MIDEAS: variants seen among roughly 807,000 people sequenced by gnomAD.
MIDEAS encodes the protein mitotic deacetylase associated SANT domain protein, also known as mitotic deacetylase-associated SANT domain protein.
MIDEAS carries 26 observed loss-of-function variants against 102.7 expected under a neutral mutation model. That is an observed-to-expected ratio of 0.25 (90% CI 0.19 to 0.35). The LOEUF (loss-of-function observed/expected upper bound fraction) is 0.35, where lower values mean the gene tolerates loss of function less well. MIDEAS is among the 10% of genes least tolerant of loss of function. MIDEAS has a pLI of 1.00. For synonymous variants in MIDEAS, 585 were observed against 591.0 expected (o/e 0.99, Z 0.15); for missense variants, 1,231 against 1,435.6 (o/e 0.86, Z 2.30).
upstream of MIDEAS, chr14:73,787,258 CG>C (rs2053823765): frequency 6.8e-6 from 1 of 148,052 alleles, no homozygotes; most frequent in Admixed American, 6.7e-5. Flanking sequence ...TGTGACCCAG[CG>C]GCTCGCGCGG....
rs1172741737 is a variant in MIDEAS, at chr14:73,759,040, C to T, written c.-248+723G>A. On this transcript the variant is annotated intron_variant, in intron 1 of 12. Transcript: ENST00000423556. This position sits in a 1 kb window ranked among gnomAD's most constrained non-coding sequence, Gnocchi z 6.7. ...GGGAACACAGCTCCCCGCGAGGCAC[C>T]GCGCGGGCTGGGAGGGCTGCGGCGG... Among the ~76,000 whole-genome samples, 1 of 152,176 alleles carries T rather than the reference C, an allele frequency of 6.6e-6. No individual in the cohort carries two copies. The highest frequency in any genetic ancestry group is 1.5e-5 in the Non-Finnish European group (1 of 68,016).
At chr14:73,756,158 G>C (rs2053476302) in intron 1 of MIDEAS, among the ~76,000 whole-genome samples, 1 of 152,160 alleles carries the variant, frequency 6.6e-6, no homozygotes, top group African/African-American at 2.4e-5. Context: ...GGCGTTCTGA[G>C]TGTGGAAGCA....
rs1432759224 is a variant in MIDEAS at position 73,783,092 on chromosome 14, T to G, written c.-248+4010A>C. On this transcript the variant is annotated intron_variant, in intron 1 of 11. Transcript: ENST00000394071. Reference sequence around the variant, plus strand: ...TATAAAACAGGGCTTCCAGTTTAGTTGAAGAATTGTAGTATTTATTCACCC... The same window carrying G: ...TATAAAACAGGGCTTCCAGTTTAGTGGAAGAATTGTAGTATTTATTCACCC... Among the ~76,000 whole-genome samples, 5 of 152,220 alleles carry G rather than the reference T, an allele frequency of 3.3e-5. No individual in the cohort carries two copies. The East Asian group carries it at 7.7e-4, about 23-fold the overall frequency.
At position 73,717,132 on chromosome 14, in the gene MIDEAS, A is replaced by T. The variant is rs1053363446; in HGVS notation, c.*1711T>A. The stretch of plus-strand genomic sequence containing the variant: ...AAAAATACCTGCATAGTTTCAAAAC[A>T]AAACTCCCTCTCCACTCCCAGTTAC... On this transcript the variant is annotated 3_prime_UTR_variant, in exon 13 of 13. Coordinates refer to ENST00000423556, the MANE Select transcript of MIDEAS (RefSeq NM_001367710.1). 6.6e-6 allele frequency: 1 copy of T among 152,264 alleles called. No individual in the cohort carries two copies. Among genetic ancestry groups the T allele is most frequent in the Non-Finnish European group, 1.5e-5 (1 of 68,050 alleles). 9.4% of individuals were successfully genotyped at this position (152,264 alleles called of 1,614,324 possible).
At chr14:73,766,800 G>A (rs528889134) in intron 1 of MIDEAS, among the ~76,000 whole-genome samples, 3 of 148,642 alleles carry the variant, frequency 2.0e-5, no homozygotes, top group East Asian at 2.0e-4. Context: ...TCATCTGCCC[G>A]TCTCAGCCTC....
At chr14:73,733,075 A>G (rs1043130763) in intron 3 of MIDEAS, among the ~76,000 whole-genome samples, 1 of 151,742 alleles carries the variant, frequency 6.6e-6, no homozygotes, top group Non-Finnish European at 1.5e-5. Flanking sequence ...CTGAGCCACA[A>G]GGGCGAAACC....
At chr14:73,788,515 C>T (rs572376149), upstream of MIDEAS, among the ~76,000 whole-genome samples, 2 of 152,186 alleles carry the variant, frequency 1.3e-5, no homozygotes, top group African/African-American at 2.4e-5. Context: ...CAAAGATAGG[C>T]GTATGAAGAT....
At chr14:73,748,507 G>A (rs2140138745) in intron 1 of MIDEAS, among the ~76,000 whole-genome samples, 1 of 152,092 alleles carries the variant, frequency 6.6e-6, no homozygotes, top group African/African-American at 2.4e-5. Flanking sequence ...CTCCAGCCTG[G>A]GCAACACAGT....
chr14:73,749,476 C>A (rs1199309265), intron 1 of MIDEAS, among the ~76,000 whole-genome samples: 1 of 151,068 alleles, frequency 6.6e-6, no homozygotes, highest in Non-Finnish European at 1.5e-5. Flanking sequence ...GTTGAGGCTG[C>A]AGTAAGCCGT....
intron 12 of MIDEAS, 68 bp downstream of exon 12, chr14:73,719,236 AC>A: frequency 2.4e-6 from 1 of 420,194 alleles, no homozygotes; most frequent in Non-Finnish European, 3.3e-6. Flanking sequence ...CCTCCCCTCC[AC>A]CCCACCCCCG....
intron 1 of MIDEAS, among the ~76,000 whole-genome samples, chr14:73,780,887 G>A (rs1026830455): frequency 3.9e-5 from 6 of 151,970 alleles, no homozygotes; most frequent in South Asian, 2.1e-4. Context: ...TATTAAATAC[G>A]CATCCCACTC....
At chr14:73,765,467 CA>C (rs1197755784) in intron 1 of MIDEAS, among the ~76,000 whole-genome samples, 2 of 152,176 alleles carry the variant, frequency 1.3e-5, no homozygotes, top group Non-Finnish European at 2.9e-5. Flanking sequence ...TGTTGGCTAT[CA>C]TTTTTTCTCA....
At position 73,715,484 on chromosome 14, in the gene MIDEAS, C is replaced by G. The variant is rs1209154209; in HGVS notation, c.*3359G>C. ...ATAATTACAGACTGTCAAGGCTGTTCCTGTGCTCTGTCCCCTCCAACAAAG... is the reference window on the plus strand; with the variant it reads ...ATAATTACAGACTGTCAAGGCTGTTGCTGTGCTCTGTCCCCTCCAACAAAG... On this transcript the variant is annotated 3_prime_UTR_variant, in exon 13 of 13. Coordinates refer to ENST00000423556, the MANE Select transcript of MIDEAS (RefSeq NM_001367710.1). 1.3e-5 allele frequency: 2 copies of G among 152,488 alleles called. No homozygotes were observed. The highest frequency in any genetic ancestry group is 6.5e-5 in the Admixed American group (1 of 15,272). 9.4% of individuals were successfully genotyped at this position (152,488 alleles called of 1,614,324 possible).
In MIDEAS at chr14:73,759,465, C is replaced by T. The variant is rs1008719147; in HGVS notation, c.-248+298G>A. Reference sequence around the variant, plus strand: ...GTGGGCGGGGGCCGCGCGCAAGCTGCGTAGCTGCACAAACACCGCGGGGCT... The same window carrying T: ...GTGGGCGGGGGCCGCGCGCAAGCTGTGTAGCTGCACAAACACCGCGGGGCT... On this transcript the variant is annotated intron_variant, in intron 1 of 12. Coordinates refer to ENST00000423556, the MANE Select transcript of MIDEAS (RefSeq NM_001367710.1). The surrounding 1 kb of genome is among the most constrained non-coding windows in gnomAD (Gnocchi z 6.7). Among the ~76,000 whole-genome samples, 1 of 151,320 alleles carries T rather than the reference C, an allele frequency of 6.6e-6. No individual in the cohort carries two copies. The highest frequency in any genetic ancestry group is 1.5e-5 in the Non-Finnish European group (1 of 67,790).
Position 73,716,729 on chromosome 14 carries a change from A to T in MIDEAS, c.*2114T>A, listed in dbSNP as rs535547854. The T allele has an allele frequency of 7.5e-4, 111 of 148,838 alleles. 1 individual carries two copies. Among genetic ancestry groups the T allele is most frequent in the African/African-American group, 2.7e-3 (109 of 40,788 alleles). 9.2% of individuals were successfully genotyped at this position (148,838 alleles called of 1,614,324 possible). On this transcript the variant is annotated 3_prime_UTR_variant, in exon 13 of 13. Coordinates refer to ENST00000423556, the MANE Select transcript of MIDEAS (RefSeq NM_001367710.1). Reference sequence around the variant, plus strand: ...AAAAAATTTTTTTTCCAAGTACAAGATGTTACCACTGACAAAAGGGTCTCA... The same window carrying T: ...AAAAAATTTTTTTTCCAAGTACAAGTTGTTACCACTGACAAAAGGGTCTCA...
At chr14:73,744,423 G>A (rs1478037060) in intron 1 of MIDEAS, among the ~76,000 whole-genome samples, 1 of 152,226 alleles carries the variant, frequency 6.6e-6, no homozygotes, top group Admixed American at 6.5e-5. Context: ...CTCAGCAGCT[G>A]CGGGGGCTCA....
At chr14:73,777,954 T>TTATCTTTG (rs1245407401) in intron 1 of MIDEAS, among the ~76,000 whole-genome samples, 2 of 151,934 alleles carry the variant, frequency 1.3e-5, no homozygotes, top group African/African-American at 4.8e-5. Context: ...TGAAGCTTCT[T>TTATCTTTG]TATCTTTGTA....
chr14:73,730,182 G>A (rs2053120549), intron 3 of MIDEAS, 197 bp from the exon 4 acceptor site: 1 of 718,704 alleles, frequency 1.4e-6, no homozygotes, highest in South Asian at 1.5e-5. Flanking sequence ...AACTTTTTCT[G>A]TAAGGGGCCA....
intron 12 of MIDEAS, 129 bp downstream of exon 12, chr14:73,719,176 A>C (rs2052945038): frequency 6.7e-7 from 1 of 1,486,910 alleles, no homozygotes; most frequent in Non-Finnish European, 8.9e-7. Flanking sequence ...AGCCCTAGAA[A>C]CCCGCTGAGC....
Sources: allele counts gnomAD v4.1 joint callset (sites outside exome capture counted in the v4.1 genomes callset), GRCh38; gene constraint gnomAD v4.1.1; non-coding constraint Gnocchi (gnomAD v3.1); transcripts MANE v1.5; gene names NCBI Gene and HGNC (gene_info 2026-07-23, HGNC 2026-07-21).